Variants in SMYD3 observed in about 807,000 individuals in gnomAD.
SMYD3 encodes the protein SET and MYND domain containing 3.
SMYD3 carries 36 observed loss-of-function variants against 57.7 expected under a neutral mutation model. The observed-to-expected ratio is 0.62, with a 90% CI of 0.48 to 0.82. The LOEUF (loss-of-function observed/expected upper bound fraction) is 0.82. Among genes scored for constraint, SMYD3 ranks in the 40% least tolerant of loss-of-function variants. The probability of loss-of-function intolerance (pLI) is 0.00; values close to 1 mark genes in which losing one functional copy is unlikely to be tolerated. For missense variants in SMYD3, 515 were observed against 538.8 expected (o/e 0.96, Z 0.44); for synonymous variants, 211 against 195.0 (o/e 1.08, Z -0.68).
Position 245,786,217 on chromosome 1 carries a change from G to GGGC in SMYD3, c.1077-22069_1077-22068insGCC, listed in dbSNP as rs11457107. 3.0e-4 allele frequency among the ~76,000 whole-genome samples: 45 copies of GGGC among 148,236 alleles called. 4 individuals carry two copies. The highest frequency in any genetic ancestry group is 1.0e-3 in the East Asian group (5 of 4,976). Reference sequence around the variant, plus strand: ...TGAGTTGAGTTGGGGTGTGGACGGGGGGGGGATGGTGGCAACAGAATATTA... The same window carrying GGGC: ...TGAGTTGAGTTGGGGTGTGGACGGGGGGCGGGGGATGGTGGCAACAGAATATTA... On this transcript the variant is annotated intron_variant, in intron 10 of 11. Coordinates refer to ENST00000490107, the MANE Select transcript of SMYD3 (RefSeq NM_001167740.2).
intron 5 of SMYD3, among the ~76,000 whole-genome samples, chr1:246,165,556 G>A (rs2062193902): frequency 6.6e-6 from 1 of 152,132 alleles, no homozygotes. Flanking sequence ...CAGGGGTGAG[G>A]AGAGGTGAAG....
chr1:246,440,829 G>C (rs1022354209), intron 1 of SMYD3, among the ~76,000 whole-genome samples: 4 of 152,120 alleles, frequency 2.6e-5, no homozygotes, highest in African/African-American at 9.7e-5. Flanking sequence ...TGGGGCTTTC[G>C]CATCTGTGAC....
intron 5 of SMYD3, among the ~76,000 whole-genome samples, chr1:246,241,835 C>A (rs1311171672): frequency 6.6e-6 from 1 of 152,070 alleles, no homozygotes; most frequent in Non-Finnish European, 1.5e-5. Context: ...GTGTATCTGT[C>A]GAGGAATTTA....
intron 5 of SMYD3, among the ~76,000 whole-genome samples, chr1:246,052,022 C>T (rs1423057091): frequency 6.6e-6 from 1 of 152,174 alleles, no homozygotes; most frequent in East Asian, 1.9e-4. Flanking sequence ...AAGTCCAGAG[C>T]TCTAATGAAG....
At chr1:246,334,206 TGG>T (rs541181949) in intron 3 of SMYD3, among the ~76,000 whole-genome samples, 38 of 152,278 alleles carry the variant, frequency 2.5e-4, no homozygotes, top group African/African-American at 8.9e-4. Flanking sequence ...ATCCCACTGT[TGG>T]GTATATATCC....
intron 5 of SMYD3, 60 bp downstream of exon 5, chr1:246,327,141 A>T: frequency 6.2e-7 from 1 of 1,604,876 alleles, no homozygotes; most frequent in African/African-American, 1.3e-5. Context: ...GTAACTAACA[A>T]CAAAATAAGG....
At chr1:245,912,316 G>A (rs909551827) in intron 8 of SMYD3, among the ~76,000 whole-genome samples, 1 of 151,944 alleles carries the variant, frequency 6.6e-6, no homozygotes, top group African/African-American at 2.4e-5. Flanking sequence ...GAGGTGAAAG[G>A]CCTCTGCAAT....
At position 245,905,938 on chromosome 1, in the gene SMYD3, C is replaced by A. The variant is rs72768750; in HGVS notation, c.813+9592G>T. Among the ~76,000 whole-genome samples, 764 of 152,248 alleles carry A rather than the reference C, an allele frequency of 5.0e-3. 6 individuals carry two copies. The highest frequency in any genetic ancestry group is 9.1e-3 in the Non-Finnish European group (620 of 68,014). On this transcript the variant is annotated intron_variant, in intron 8 of 11. Transcript: ENST00000490107. ...AATGATGCTGGGAAAACTGGATAGCCATATGCAAAAGAATGAAACTACACC... is the reference window on the plus strand; with the variant it reads ...AATGATGCTGGGAAAACTGGATAGCAATATGCAAAAGAATGAAACTACACC...
chr1:245,928,668 C>T (rs1044975120), intron 6 of SMYD3, among the ~76,000 whole-genome samples: 2 of 150,824 alleles, frequency 1.3e-5, no homozygotes, highest in East Asian at 3.9e-4. Context: ...AGTGAGACTC[C>T]ATCTCAAAAA....
chr1:246,125,020 C>G (rs187673368), intron 5 of SMYD3, among the ~76,000 whole-genome samples: 12,045 of 148,366 alleles, frequency 0.081, 978 homozygotes, highest in African/African-American at 0.2. Flanking sequence ...TGCAGTGAGC[C>G]GAGATCGCGC....
intron 1 of SMYD3, among the ~76,000 whole-genome samples, chr1:246,452,606 G>A (rs1246407435): frequency 6.6e-6 from 1 of 152,108 alleles, no homozygotes; most frequent in Non-Finnish European, 1.5e-5. Context: ...TAGGCTATAG[G>A]CACAACTGTT....
chr1:246,357,808 G>A (rs2065930343), intron 1 of SMYD3, among the ~76,000 whole-genome samples: 1 of 152,064 alleles, frequency 6.6e-6, no homozygotes, highest in Admixed American at 6.5e-5. Flanking sequence ...ACTGCCAAAA[G>A]GAACTCTAAA....
At chr1:246,343,126 A>G (rs963177665) in intron 2 of SMYD3, among the ~76,000 whole-genome samples, 23 of 152,210 alleles carry the variant, frequency 1.5e-4, no homozygotes, top group African/African-American at 4.8e-4. Context: ...TATTTACTAT[A>G]TAGTTCTTTA....
intron 5 of SMYD3, among the ~76,000 whole-genome samples, chr1:246,045,919 A>G (rs2059955681): frequency 6.6e-6 from 1 of 152,234 alleles, no homozygotes; most frequent in Non-Finnish European, 1.5e-5. Context: ...TCAAAACCAC[A>G]ATGAGATACC....
At chr1:246,298,727 A>G (rs2064839109) in intron 5 of SMYD3, among the ~76,000 whole-genome samples, 1 of 152,028 alleles carries the variant, frequency 6.6e-6, no homozygotes, top group Admixed American at 6.5e-5. Flanking sequence ...ATAAAGAAGG[A>G]ACAGCTCTAC....
intron 2 of SMYD3, among the ~76,000 whole-genome samples, chr1:246,349,847 T>C (rs912387509): frequency 2.0e-5 from 3 of 151,768 alleles, no homozygotes; most frequent in Admixed American, 1.3e-4. Context: ...AGGCAAAAAA[T>C]AGTGAAAGAC....
chr1:246,073,670 T>C (rs1462724775), intron 5 of SMYD3, among the ~76,000 whole-genome samples: 2 of 152,098 alleles, frequency 1.3e-5, no homozygotes, highest in East Asian at 1.9e-4. Context: ...CAAGCCAAGA[T>C]CACGCCACGG....
chr1:245,764,254 A>G, intron 10 of SMYD3, 105 bp from the exon 11 acceptor site: 5 of 726,650 alleles, frequency 6.9e-6, no homozygotes, highest in Non-Finnish European at 1.2e-5. Flanking sequence ...TGTGAATGTT[A>G]ATGAGCTACT....
intron 1 of SMYD3, among the ~76,000 whole-genome samples, chr1:246,461,549 A>T: frequency 6.6e-6 from 1 of 152,060 alleles, no homozygotes; most frequent in East Asian, 1.9e-4. Context: ...TATACTTGCT[A>T]CTTATCTATT....
Sources: allele counts gnomAD v4.1 joint callset (sites outside exome capture counted in the v4.1 genomes callset), GRCh38; gene constraint gnomAD v4.1.1; transcripts MANE v1.5; gene names NCBI Gene and HGNC (gene_info 2026-07-23, HGNC 2026-07-21).